Variants in ADCY7 observed in about 807,000 individuals in gnomAD.
The protein encoded by ADCY7 is adenylate cyclase 7.
ADCY7 carries 72 observed loss-of-function variants against 120.6 expected under a neutral mutation model. The ratio of observed to expected loss-of-function variants is 0.60; its 90% CI spans 0.49 to 0.73. ADCY7 has a LOEUF of 0.73. ADCY7 is among the 30% of genes least tolerant of loss of function. ADCY7 has a pLI of 0.00. For missense variants in ADCY7, 1,227 were observed against 1,486.0 expected (o/e 0.83, Z 2.87); for synonymous variants, 661 against 628.0 (o/e 1.05, Z -0.78).
chr16:50,272,696 G>A (rs1338674817), intron 1 of ADCY7, among the ~76,000 whole-genome samples: 1 of 152,172 alleles, frequency 6.6e-6, no homozygotes, highest in African/African-American at 2.4e-5. Context: ...TTGGGAGTCT[G>A]GGTCTCCCTC....
At chr16:50,252,797 A>T (rs997308739) in intron 1 of ADCY7, among the ~76,000 whole-genome samples, 3 of 152,200 alleles carry the variant, frequency 2.0e-5, no homozygotes, top group Non-Finnish European at 4.4e-5. Flanking sequence ...TTCATTTTTT[A>T]AAGTACAGAA....
intron 7 of ADCY7, among the ~76,000 whole-genome samples, chr16:50,295,457 G>A (rs1389583988): frequency 7.0e-6 from 1 of 143,572 alleles, no homozygotes; most frequent in East Asian, 2.1e-4. Context: ...GGCCTCCCAA[G>A]TGCTGGGATT....
At position 50,308,017 on chromosome 16, in the gene ADCY7, C is replaced by T. The variant is rs1013358357; in HGVS notation, c.1851-310C>T. Among the ~76,000 whole-genome samples the T allele has an allele frequency of 8.1e-5, 10 of 123,444 alleles. 1 individual carries two copies. Among genetic ancestry groups the T allele is most frequent in the Admixed American group, 1.6e-4 (2 of 12,304 alleles). 81.0% of individuals were successfully genotyped at this position (123,444 alleles called of 152,430 possible). ...TCTCAAAAAAAAAAAAAAAAAAAAA[C>T]GAAGAAAGATGTAATAGGGAATGCG... On this transcript the variant is annotated intron_variant, in intron 15 of 25. Transcript: ENST00000673801.
intron 10 of ADCY7, chr16:50,301,657 G>A (rs951214167): frequency 5.5e-5 from 10 of 182,362 alleles, no homozygotes; most frequent in Admixed American, 2.7e-4. Context: ...TGTCCTGGGT[G>A]CTGACTGCAG....
At position 50,311,805 on chromosome 16, in the gene ADCY7, C is replaced by A. The variant is rs187135669; in HGVS notation, c.2448+19C>A. On this transcript the variant is annotated intron_variant, in intron 20 of 25. Transcript: ENST00000673801. ...CAGACAGGTAAGGAGGCTGGCCCCC[C>A]CCCCCCCCCCAAGCTCTGCCCACTT... 1.3e-4 allele frequency: 173 copies of A among 1,310,698 alleles called. 3 individuals carry two copies. The highest frequency in any genetic ancestry group is 6.7e-4 in the African/African-American group (45 of 66,828). 81.2% of individuals were successfully genotyped at this position (1,310,698 alleles called of 1,614,324 possible).
At chr16:50,315,255 T>A in intron 25 of ADCY7, 104 bp from the exon 26 acceptor site, 1 of 1,564,504 alleles carries the variant, frequency 6.4e-7, no homozygotes, top group Admixed American at 1.8e-5. Flanking sequence ...GCTATCACAC[T>A]CTCCAGGGAA....
Position 50,305,546 on chromosome 16 carries a change from G to T in ADCY7, c.1639G>T (p.Asp547Tyr). The stretch of plus-strand genomic sequence containing the variant: ...GCGGTCGGAGGATGACTCGTACGAT[G>T]ACGAGATGCTGTCAGCCATTGAGGG... ...KGRSEDDSYD[D>Y]EMLSAIEGLS... The change falls in exon 13 of 26, where the codon GAC becomes TAC. Residue 547 changes from aspartate to tyrosine, a missense_variant. By Grantham distance (160) the Asp-to-Tyr change is radical. Coordinates refer to ENST00000673801, the MANE Select transcript of ADCY7 (RefSeq NM_001114.5). The T allele has an allele frequency of 6.2e-7, 1 of 1,608,614 alleles. No individual in the cohort carries two copies. Among genetic ancestry groups the T allele is most frequent in the South Asian group, 1.1e-5 (1 of 90,180 alleles).
intron 4 of ADCY7, among the ~76,000 whole-genome samples, chr16:50,292,152 T>A (rs111566170): frequency 0.014 from 2,157 of 152,330 alleles, 52 homozygotes; most frequent in African/African-American, 0.049. Context: ...AGGCCTTGCC[T>A]CCCGGTTCAG....
At chr16:50,248,722 C>G (rs147155264) in intron 1 of ADCY7, among the ~76,000 whole-genome samples, 27 of 152,296 alleles carry the variant, frequency 1.8e-4, no homozygotes, top group Non-Finnish European at 3.5e-4. Context: ...AAGAGCAGTT[C>G]TGCTGCATCT....
intron 7 of ADCY7, among the ~76,000 whole-genome samples, chr16:50,295,250 C>T (rs1227404966): frequency 6.6e-6 from 1 of 151,820 alleles, no homozygotes; most frequent in African/African-American, 2.4e-5. Context: ...GCCATCACTG[C>T]TCACTGCAGC....
intron 6 of ADCY7, 23 bp from the exon 7 acceptor site, chr16:50,294,617 C>CCA: frequency 7.7e-7 from 1 of 1,302,148 alleles, no homozygotes; most frequent in Non-Finnish European, 1.1e-6. Context: ...CTGACACTCC[C>CCA]TCCCACCCTG....
At chr16:50,291,682 G>A (rs2034976169) in intron 3 of ADCY7, 54 bp from the exon 4 acceptor site, 10 of 1,609,376 alleles carry the variant, frequency 6.2e-6, no homozygotes, top group Non-Finnish European at 8.5e-6. Context: ...TCCGGGGGCT[G>A]TACGGCCTGG....
In ADCY7 at chr16:50,311,798, GGC is replaced by G. The variant is rs780225033; in HGVS notation, c.2448+13_2448+14del. The stretch of plus-strand genomic sequence containing the variant: ...CACTCTCCAGACAGGTAAGGAGGCT[GGC>G]CCCCCCCCCCCCCCCAAGCTCTGCC... On this transcript the variant is annotated intron_variant, in intron 20 of 25. Coordinates refer to ENST00000673801, the MANE Select transcript of ADCY7 (RefSeq NM_001114.5). 307 of 1,331,648 alleles carry G rather than the reference GGC, an allele frequency of 2.3e-4. No homozygotes were observed. Among genetic ancestry groups the G allele is most frequent in the South Asian group, 9.7e-4 (73 of 75,262 alleles). The allele number at this position is 1,331,648 out of a possible 1,614,324, so 82.5% of individuals were successfully genotyped here.
At chr16:50,292,012 C>A in intron 4 of ADCY7, 115 bp downstream of exon 4, 1 of 1,198,226 alleles carries the variant, frequency 8.3e-7, no homozygotes, top group East Asian at 2.5e-5. Flanking sequence ...TGTTTGCAGA[C>A]AGCCCGCTCC....
upstream of ADCY7, among the ~76,000 whole-genome samples, chr16:50,265,827 G>A (rs991983691): frequency 6.6e-6 from 1 of 152,204 alleles, no homozygotes; most frequent in Non-Finnish European, 1.5e-5. Context: ...TCTGTTTTGG[G>A]AGTCTCCACT....
At chr16:50,313,926 C>T (rs780233357) in intron 22 of ADCY7, 32 bp from the exon 23 acceptor site, 45 of 1,579,756 alleles carry the variant, frequency 2.8e-5, no homozygotes, top group Admixed American at 6.8e-5. Context: ...TATGGAGTGG[C>T]GGCTGCTTCA....
At chr16:50,279,973 G>A (rs1228394289) in intron 1 of ADCY7, among the ~76,000 whole-genome samples, 2 of 152,128 alleles carry the variant, frequency 1.3e-5, no homozygotes, top group Non-Finnish European at 2.9e-5. Flanking sequence ...GAGTTAGGGA[G>A]GAGTCCCTCT....
Position 50,308,355 on chromosome 16 carries a change from C to A in ADCY7, c.1879C>A (p.Leu627Met). The change falls in exon 16 of 26, where the codon CTG (leucine) becomes ATG (methionine). Residue 627 changes from leucine to methionine, a missense_variant. Coordinates refer to ENST00000673801, the MANE Select transcript of ADCY7 (RefSeq NM_001114.5). ...RTAALGVSFG[L>M]VACVLGLVLG... ...GGCGGCACTGGGTGTGTCCTTCGGG[C>A]TGGTGGCCTGTGTACTGGGGCTGGT... The A allele has an allele frequency of 6.2e-7, 1 of 1,614,174 alleles. No individual in the cohort carries two copies. Among genetic ancestry groups the A allele is most frequent in the Non-Finnish European group, 8.5e-7 (1 of 1,180,034 alleles).
Position 50,317,700 on chromosome 16 carries a change from T to TTTTC in ADCY7, c.*2199_*2202dup, listed in dbSNP as rs1481371986. ...TGACCATAAAAATTACCTGCAGGTATTTTCTTTTTATGAACTTGTTTTTAA... is the reference window on the plus strand; with the variant it reads ...TGACCATAAAAATTACCTGCAGGTATTTTCTTTCTTTTTATGAACTTGTTTTTAA... On this transcript the variant is annotated 3_prime_UTR_variant, in exon 26 of 26. Coordinates refer to ENST00000673801, the MANE Select transcript of ADCY7 (RefSeq NM_001114.5). The TTTTC allele has an allele frequency of 1.3e-5, 2 of 152,320 alleles. No homozygotes were observed. Among genetic ancestry groups the TTTTC allele is most frequent in the Admixed American group, 6.5e-5 (1 of 15,286 alleles). The allele number at this position is 152,320 out of a possible 1,614,324, so 9.4% of individuals were successfully genotyped here.
Sources: gnomAD v4.1 joint callset for allele counts (sites outside exome capture counted in the v4.1 genomes callset) on GRCh38, gnomAD v4.1.1 for gene constraint, MANE v1.5 for transcripts, NCBI Gene and HGNC (gene_info 2026-07-23, HGNC 2026-07-21) for gene names.